The following PPARGC1A variants were observed in gnomAD, a reference collection of about 807,000 sequenced individuals.
The protein encoded by PPARGC1A is PPARG coactivator 1 alpha.
Under a neutral mutation model 88.7 loss-of-function variants are expected in PPARGC1A, and 25 were observed. That is an observed-to-expected ratio of 0.28 (90% CI 0.21 to 0.39). PPARGC1A has a LOEUF of 0.39. Ranked by LOEUF, PPARGC1A falls within the 10% of genes least tolerant of loss-of-function variation. The pLI is 1.00. For synonymous variants in PPARGC1A, 363 were observed against 355.6 expected (o/e 1.02, Z -0.24); for missense variants, 880 against 968.7 (o/e 0.91, Z 1.22).
At chr4:24,117,044 G>C in the PPARGC1A span, among the ~76,000 whole-genome samples, 1 of 144,776 alleles carries the variant, frequency 6.9e-6, no homozygotes, top group Non-Finnish European at 1.5e-5. Context: ...CAGTGAAGTT[G>C]GTAAAAAAAA....
At chr4:24,280,685 CA>C in the PPARGC1A span, among the ~76,000 whole-genome samples, 1 of 152,326 alleles carries the variant, frequency 6.6e-6, no homozygotes, top group East Asian at 1.9e-4. Context: ...AGAGATTTTG[CA>C]GTCAATTTTT....
upstream of PPARGC1A, chr4:23,904,052 G>T: frequency 1.0e-6 from 1 of 983,246 alleles, no homozygotes; most frequent in Non-Finnish European, 1.2e-6. Flanking sequence ...TTTTACTGCA[G>T]TGCAAATACT....
chr4:24,296,002 G>GTATGTGTGTATA, the PPARGC1A span, among the ~76,000 whole-genome samples: 148,407 of 149,558 alleles, frequency 0.99, 73,637 homozygotes, highest in Middle Eastern at 1. Flanking sequence ...ATATGTGTAT[G>GTATGTGTGTATA]TATGTGTGTA....
the PPARGC1A span, among the ~76,000 whole-genome samples, chr4:24,409,338 A>G: frequency 6.6e-6 from 1 of 152,224 alleles, no homozygotes; most frequent in African/African-American, 2.4e-5. Flanking sequence ...ACCTGCAGTC[A>G]AGAGTAAAAT....
the PPARGC1A span, among the ~76,000 whole-genome samples, chr4:24,002,801 G>T: frequency 1.3e-5 from 2 of 152,054 alleles, no homozygotes; most frequent in Non-Finnish European, 2.9e-5. Flanking sequence ...CAGCTACTTG[G>T]CATGCCACGT....
At chr4:23,821,152 T>C (rs112819489) in intron 7 of PPARGC1A, among the ~76,000 whole-genome samples, 7 of 152,214 alleles carry the variant, frequency 4.6e-5, no homozygotes, top group African/African-American at 1.7e-4. Flanking sequence ...CTATTTAACA[T>C]AACATATGTC....
intron 1 of PPARGC1A, chr4:23,888,981 A>C (rs552412981): frequency 3.0e-6 from 3 of 985,296 alleles, no homozygotes; most frequent in South Asian, 4.7e-5. Flanking sequence ...AAGTTGCCCA[A>C]ACTTTCCTTC....
At chr4:24,440,397 C>T in the PPARGC1A span, among the ~76,000 whole-genome samples, 1 of 152,186 alleles carries the variant, frequency 6.6e-6, no homozygotes, top group Non-Finnish European at 1.5e-5. Context: ...TGGAGCTGGG[C>T]TGAGGTTCAG....
chr4:24,258,912 A>T, the PPARGC1A span, among the ~76,000 whole-genome samples: 1 of 152,210 alleles, frequency 6.6e-6, no homozygotes, highest in South Asian at 2.1e-4. Flanking sequence ...GTGTAAGTTT[A>T]GAACTGTGTG....
the PPARGC1A span, among the ~76,000 whole-genome samples, chr4:24,122,453 AG>A: frequency 9.8e-4 from 147 of 150,556 alleles, no homozygotes; most frequent in East Asian, 0.025. Context: ...AGAGAGAGAG[AG>A]AGAGAGATCT....
chr4:23,931,357 A>C, the PPARGC1A span, among the ~76,000 whole-genome samples: 4 of 152,040 alleles, frequency 2.6e-5, no homozygotes, highest in Admixed American at 6.5e-5. Context: ...AAAAGGAAGG[A>C]AAGTTATTAC....
At chr4:24,184,683 C>T in the PPARGC1A span, among the ~76,000 whole-genome samples, 3 of 152,184 alleles carry the variant, frequency 2.0e-5, no homozygotes, top group East Asian at 1.9e-4. Context: ...CTCCTCCTCA[C>T]GTGCACCCTC....
the PPARGC1A span, among the ~76,000 whole-genome samples, chr4:24,453,006 C>T: frequency 6.6e-6 from 1 of 152,184 alleles, no homozygotes; most frequent in East Asian, 1.9e-4. Context: ...CCTTCACAGA[C>T]GTGACTGCAT....
the PPARGC1A span, among the ~76,000 whole-genome samples, chr4:24,164,479 G>A: frequency 6.6e-6 from 1 of 152,182 alleles, no homozygotes; most frequent in Non-Finnish European, 1.5e-5. Flanking sequence ...GGGGAGCAAT[G>A]CCCAGAGACT....
chr4:24,401,155 G>A, the PPARGC1A span, among the ~76,000 whole-genome samples: 9 of 151,206 alleles, frequency 6.0e-5, no homozygotes, highest in Admixed American at 1.3e-4. Context: ...AGTAGCTGGG[G>A]CTACAGGCGC....
the PPARGC1A span, among the ~76,000 whole-genome samples, chr4:24,452,765 G>A: frequency 6.6e-6 from 1 of 152,142 alleles, no homozygotes; most frequent in Admixed American, 6.5e-5. Context: ...CTAGTGGGGA[G>A]ACATAAAAAA....
the PPARGC1A span, among the ~76,000 whole-genome samples, chr4:23,998,479 T>A: frequency 3.3e-5 from 5 of 152,116 alleles, no homozygotes; most frequent in Non-Finnish European, 7.4e-5. Context: ...GTCTGTACAA[T>A]GTCAGGATAA....
chr4:24,468,517 G>A, the PPARGC1A span, among the ~76,000 whole-genome samples: 2 of 152,118 alleles, frequency 1.3e-5, no homozygotes, highest in African/African-American at 4.8e-5. Context: ...TCAGATATAG[G>A]ACGAAATTTC....
chr4:23,948,733 A>G, the PPARGC1A span, among the ~76,000 whole-genome samples: 1 of 152,092 alleles, frequency 6.6e-6, no homozygotes, highest in African/African-American at 2.4e-5. Flanking sequence ...TTCATTCTCA[A>G]ATGTCCCATT....
Sources: gnomAD v4.1 joint callset for allele counts (sites outside exome capture counted in the v4.1 genomes callset) on GRCh38, gnomAD v4.1.1 for gene constraint, MANE v1.5 for transcripts, NCBI Gene and HGNC (gene_info 2026-07-23, HGNC 2026-07-21) for gene names.